PTGFRN: variants seen among roughly 807,000 people sequenced by gnomAD.
PTGFRN encodes the protein prostaglandin F2 receptor inhibitor, also known as prostaglandin F2 receptor negative regulator.
A neutral mutation model predicts 83.2 loss-of-function variants in PTGFRN; 35 were observed. The ratio of observed to expected loss-of-function variants is 0.42; its 90% confidence interval spans 0.32 to 0.56. The LOEUF (loss-of-function observed/expected upper bound fraction) is 0.56, where lower values mean the gene tolerates loss of function less well. Among genes scored for constraint, PTGFRN ranks in the 20% least tolerant of loss-of-function variants. The probability of loss-of-function intolerance (pLI) is 0.11; values close to 1 mark genes in which losing one functional copy is unlikely to be tolerated. For synonymous variants in PTGFRN, 519 were observed against 498.6 expected, an observed-to-expected ratio of 1.04 and a Z score of -0.55; for missense variants, 1,051 against 1,179.5, an observed-to-expected ratio of 0.89 and a Z score of 1.60.
In PTGFRN at chr1:116,967,169, T is replaced by C; in HGVS notation, c.1898T>C (p.Val633Ala). ...SRVDGVVLEK[V>A]QEDEFRYRMY... Reference sequence around the variant, plus strand: ...GTGGATGGCGTTGTTTTAGAAAAAGTGCAGGAGGATGAGTTCCGCTATCGA... The same window carrying C: ...GTGGATGGCGTTGTTTTAGAAAAAGCGCAGGAGGATGAGTTCCGCTATCGA... The change falls in exon 6 of 9, where the codon GTG (valine) becomes GCG (alanine). Residue 633 changes from valine to alanine, a missense_variant. Val to Ala is a moderately conservative substitution (Grantham distance 64, BLOSUM62 0). Transcript: ENST00000393203. 1 of 1,614,166 alleles carries C rather than the reference T, an allele frequency of 6.2e-7. No individual in the cohort carries two copies. Among genetic ancestry groups the C allele is most frequent in the Non-Finnish European group, 8.5e-7 (1 of 1,180,034 alleles).
intron 7 of PTGFRN, among the ~76,000 whole-genome samples, chr1:116,975,724 C>T (rs368141293): frequency 5.3e-5 from 8 of 152,168 alleles, no homozygotes; most frequent in Admixed American, 6.5e-5. Context: ...CCCATCTCTA[C>T]GTCACCACCA....
chr1:116,980,626 G>T (rs1343140553), intron 7 of PTGFRN, among the ~76,000 whole-genome samples: 1 of 152,166 alleles, frequency 6.6e-6, no homozygotes, highest in Admixed American at 6.5e-5. Context: ...AACACCTCAT[G>T]TTCTCACTCA....
chr1:116,985,174 A>G (rs1414391304), intron 8 of PTGFRN, among the ~76,000 whole-genome samples, 189 bp downstream of exon 8: 5 of 152,196 alleles, frequency 3.3e-5, no homozygotes, highest in African/African-American at 7.2e-5. Flanking sequence ...CAGCTTTGCT[A>G]TTATGTGCTA....
chr1:116,971,195 T>C (rs977545048), intron 6 of PTGFRN, among the ~76,000 whole-genome samples: 6 of 152,200 alleles, frequency 3.9e-5, no homozygotes, highest in Non-Finnish European at 7.3e-5. Flanking sequence ...CTCCCTTTAG[T>C]GTTATAAGAT....
At chr1:116,938,219 A>G (rs1041225397) in intron 1 of PTGFRN, among the ~76,000 whole-genome samples, 1 of 152,198 alleles carries the variant, frequency 6.6e-6, no homozygotes, top group Non-Finnish European at 1.5e-5. Context: ...CTTAAGAAAC[A>G]TAAGTAGGCT....
intron 1 of PTGFRN, among the ~76,000 whole-genome samples, chr1:116,910,887 G>C (rs957390750): frequency 1.3e-5 from 2 of 152,164 alleles, no homozygotes; most frequent in Non-Finnish European, 2.9e-5. Context: ...CTGCCTAGCT[G>C]CGTATTTATA....
chr1:116,949,573 G>A lies in PTGFRN; in HGVS notation c.1213+1G>A. On this transcript the variant is annotated splice_donor_variant, in intron 4 of 8. Transcript: ENST00000393203. LOFTEE classifies it high-confidence loss of function. Reference sequence around the variant, plus strand: ...GCTGGTGTGGGTGTGACCTGGCTAGGTGAGTGGTTTGGAGAATGACTCTTA... The same window carrying A: ...GCTGGTGTGGGTGTGACCTGGCTAGATGAGTGGTTTGGAGAATGACTCTTA... 1.2e-6 allele frequency: 2 copies of A among 1,610,722 alleles called. No homozygotes were observed. The highest frequency in any genetic ancestry group is 1.7e-6 in the Non-Finnish European group (2 of 1,178,586).
chr1:116,925,919 G>A (rs1649646830), intron 1 of PTGFRN, among the ~76,000 whole-genome samples: 1 of 152,204 alleles, frequency 6.6e-6, no homozygotes, highest in South Asian at 2.1e-4. Context: ...AAGGGCATGT[G>A]AACCCAGAGT....
chr1:116,947,989 T>C (rs1462257899), intron 3 of PTGFRN, among the ~76,000 whole-genome samples: 1 of 152,264 alleles, frequency 6.6e-6, no homozygotes, highest in Non-Finnish European at 1.5e-5. Flanking sequence ...TTTGAAATAT[T>C]GTCAGGCTTT....
intron 1 of PTGFRN, among the ~76,000 whole-genome samples, chr1:116,913,946 GT>G (rs1649337133): frequency 6.6e-6 from 1 of 152,194 alleles, no homozygotes; most frequent in Non-Finnish European, 1.5e-5. Context: ...ACTTTTTTAA[GT>G]GTCAAAAGCA....
chr1:116,926,290 C>T (rs1649659933), intron 1 of PTGFRN, among the ~76,000 whole-genome samples: 1 of 152,160 alleles, frequency 6.6e-6, no homozygotes, highest in Non-Finnish European at 1.5e-5. Flanking sequence ...AAAAGAGGAC[C>T]AGGTGTTCAC....
intron 4 of PTGFRN, among the ~76,000 whole-genome samples, chr1:116,959,536 T>C (rs1165697811): frequency 6.6e-6 from 1 of 152,248 alleles, no homozygotes; most frequent in Non-Finnish European, 1.5e-5. Context: ...GTTTGTAATC[T>C]GTATGTCATA....
chr1:116,915,413 C>T (rs1649381271), intron 1 of PTGFRN, among the ~76,000 whole-genome samples: 2 of 152,202 alleles, frequency 1.3e-5, no homozygotes, highest in Admixed American at 1.3e-4. Flanking sequence ...GGGAGGAACC[C>T]TAGTGAATCC....
rs542790741 is a variant in PTGFRN, at chr1:116,944,166, G to A, written c.419-513G>A. 5.3e-5 allele frequency among the ~76,000 whole-genome samples: 8 copies of A among 152,314 alleles called. No individual in the cohort carries two copies. In the South Asian group the frequency reaches 1.7e-3, roughly 32 times the overall value. On this transcript the variant is annotated intron_variant, in intron 2 of 8. Transcript: ENST00000393203. ...TCCCCTGTGGATCTTGCTACTTTAA[G>A]TCTAGAAGGTCACCTTATCTGCAGA...
chr1:116,911,883 C>A (rs919993247), intron 1 of PTGFRN, among the ~76,000 whole-genome samples: 4 of 152,184 alleles, frequency 2.6e-5, no homozygotes, highest in African/African-American at 9.7e-5. Flanking sequence ...CTGTTATAGT[C>A]CACACACATT....
chr1:116,914,505 C>T lies in PTGFRN; in HGVS notation c.49+4253C>T, dbSNP rs183897888. On this transcript the variant is annotated intron_variant, in intron 1 of 8. Coordinates refer to ENST00000393203, the MANE Select transcript of PTGFRN (RefSeq NM_020440.4). Reference sequence around the variant, plus strand: ...TCAGCTCATGCCTGCAATCCCAGCACTTTGGGAGGCCAAGGTGGGAGGATT... The same window carrying T: ...TCAGCTCATGCCTGCAATCCCAGCATTTTGGGAGGCCAAGGTGGGAGGATT... 2.0e-5 allele frequency among the ~76,000 whole-genome samples: 3 copies of T among 152,206 alleles called. No homozygotes were observed. The East Asian group carries it at 5.8e-4, about 29-fold the overall frequency.
At chr1:116,978,459 T>C (rs1474219457) in intron 7 of PTGFRN, among the ~76,000 whole-genome samples, 1 of 152,162 alleles carries the variant, frequency 6.6e-6, no homozygotes, top group Non-Finnish European at 1.5e-5. Flanking sequence ...TGAACATCGA[T>C]GCAAAAATCC....
chr1:116,955,980 T>C (rs1293764490), intron 4 of PTGFRN, among the ~76,000 whole-genome samples: 1 of 152,184 alleles, frequency 6.6e-6, no homozygotes, highest in African/African-American at 2.4e-5. Flanking sequence ...TAGGAGAGGA[T>C]ACACAGAAGA....
At chr1:116,937,816 G>C (rs1649959234) in intron 1 of PTGFRN, among the ~76,000 whole-genome samples, 1 of 152,178 alleles carries the variant, frequency 6.6e-6, no homozygotes, top group Admixed American at 6.5e-5. Flanking sequence ...GTTTATCCTA[G>C]AGGTGGCCTG....
Sources: allele counts gnomAD v4.1 joint callset (sites outside exome capture counted in the v4.1 genomes callset), GRCh38; gene constraint gnomAD v4.1.1; transcripts MANE v1.5; gene names NCBI Gene and HGNC (gene_info 2026-07-23, HGNC 2026-07-21).